The following ZNF124 variants were observed in gnomAD, a reference collection of about 807,000 sequenced individuals.
ZNF124 encodes the protein zinc finger protein 124, also known as zinc finger protein HZF-16.
Under a neutral mutation model 26.6 loss-of-function variants are expected in ZNF124, and 25 were observed. That is an observed-to-expected ratio of 0.94 (90% CI 0.68 to 1.31). The LOEUF is 1.31. Among genes scored for constraint, ZNF124 ranks in the 40% most tolerant of loss-of-function variants. ZNF124 has a pLI of 0.00. For synonymous variants in ZNF124, 129 were observed against 133.3 expected, an observed-to-expected ratio of 0.97 and a Z score of 0.22; for missense variants, 444 against 422.2, an observed-to-expected ratio of 1.05 and a Z score of -0.45.
chr1:247,132,770 G>C (rs1253334210), intron 3 of ZNF124, among the ~76,000 whole-genome samples: 4 of 152,132 alleles, frequency 2.6e-5, no homozygotes, highest in Admixed American at 2.0e-4. Flanking sequence ...TCCCTGTCCT[G>C]TTCTGTTCCG....
chr1:247,150,888 A>G (rs1672914246), downstream of ZNF124, among the ~76,000 whole-genome samples: 1 of 112,954 alleles, frequency 8.9e-6, no homozygotes, highest in African/African-American at 4.4e-5. Flanking sequence ...TGGGAAAAAT[A>G]ACAAATAAAA....
At position 247,156,185 on chromosome 1, in the gene ZNF124, G is replaced by C; in HGVS notation, c.*381C>G. 2 of 996,272 alleles carry C rather than the reference G, an allele frequency of 2.0e-6. No homozygotes were observed. The highest frequency in any genetic ancestry group is 1.2e-6 in the Non-Finnish European group (1 of 837,812). The allele number at this position is 996,272 out of a possible 1,614,324, so 61.7% of individuals were successfully genotyped here. A position where few individuals can be genotyped will look rare whatever the true frequency, so the allele number is the denominator to read the frequency against. ...TTCTTTTATTTATAAGGTCAATCTG[G>C]AGTATGTGTTACCATGTGTCTCTGA... On this transcript the variant is annotated 3_prime_UTR_variant, in exon 4 of 4. Coordinates refer to ENST00000543802, the MANE Select transcript of ZNF124 (RefSeq NM_001297568.2).
At chr1:247,166,477 T>C (rs1164377509) in intron 1 of ZNF124, among the ~76,000 whole-genome samples, 1 of 152,254 alleles carries the variant, frequency 6.6e-6, no homozygotes, top group African/African-American at 2.4e-5. Flanking sequence ...AGTCTACTGT[T>C]GATGGGCATT....
chr1:247,123,170 T>C (rs868390996), exon 4 of ZNF124: 41 of 152,028 alleles, frequency 2.7e-4, no homozygotes, highest in African/African-American at 9.7e-4. Flanking sequence ...TTCAACAGTG[T>C]ACATGAGACA....
Position 247,124,312 on chromosome 1 carries a change from TCCTG to T in ZNF124, c.219-445_219-442del, listed in dbSNP as rs147573584. Among the ~76,000 whole-genome samples, 627 of 152,028 alleles carry T rather than the reference TCCTG, an allele frequency of 4.1e-3. 7 individuals carry two copies. The highest frequency in any genetic ancestry group is 0.014 in the African/African-American group (581 of 41,456). On this transcript the variant is annotated intron_variant, in intron 3 of 3. Coordinates refer to the ZNF124 transcript ENST00000472531. ...TCCACCTCCCAGGTTCAAGCGATTCTCCTGCCTAAGTCTCCTGCGTAGCTGGGAT... is the reference window on the plus strand; with the variant it reads ...TCCACCTCCCAGGTTCAAGCGATTCTCCTAAGTCTCCTGCGTAGCTGGGAT...
At chr1:247,146,442 CCTT>C (rs1572069936) in intron 3 of ZNF124, among the ~76,000 whole-genome samples, 1 of 152,192 alleles carries the variant, frequency 6.6e-6, no homozygotes, top group African/African-American at 2.4e-5. Flanking sequence ...CCCCAGCCCT[CCTT>C]GAGTTTGGAT....
intron 3 of ZNF124, among the ~76,000 whole-genome samples, chr1:247,125,340 T>C (rs779870653): frequency 3.0e-4 from 45 of 152,074 alleles, no homozygotes; most frequent in Non-Finnish European, 5.4e-4. Flanking sequence ...TGCCAGACTG[T>C]TTTCCAGAGT....
intron 3 of ZNF124, among the ~76,000 whole-genome samples, chr1:247,132,502 G>A (rs1277158723): frequency 6.6e-6 from 1 of 152,120 alleles, no homozygotes; most frequent in Non-Finnish European, 1.5e-5. Flanking sequence ...ATGAACTAAA[G>A]GAACATGTTC....
intron 3 of ZNF124, among the ~76,000 whole-genome samples, chr1:247,137,840 A>G (rs1229043491): frequency 6.6e-6 from 1 of 152,230 alleles, no homozygotes; most frequent in Non-Finnish European, 1.5e-5. Context: ...TTATGCATCT[A>G]ACAAACACAT....
At chr1:247,170,470 G>C (rs1489398610) in intron 1 of ZNF124, among the ~76,000 whole-genome samples, 1 of 149,248 alleles carries the variant, frequency 6.7e-6, no homozygotes, top group Non-Finnish European at 1.5e-5. Context: ...CTTACATTTG[G>C]GAAATGCAGG....
At position 247,158,729 on chromosome 1, in the gene ZNF124, A is replaced by G. The variant is rs574135797; in HGVS notation, c.218+277T>C. ...ATTGCAACCTCCGCCTCCCAGGTTC[A>G]AGCAATTCTCCTGCCTCAGCCTCCC... is the stretch of plus-strand genomic sequence containing the variant. On this transcript the variant is annotated intron_variant, in intron 3 of 3. Coordinates refer to ENST00000543802, the MANE Select transcript of ZNF124 (RefSeq NM_001297568.2). Among the ~76,000 whole-genome samples the G allele has an allele frequency of 2.4e-3, 366 of 152,112 alleles. 2 individuals carry two copies. Among genetic ancestry groups the G allele is most frequent in the African/African-American group, 8.5e-3 (351 of 41,480 alleles).
chr1:247,132,440 T>C (rs1444488778), intron 3 of ZNF124, among the ~76,000 whole-genome samples: 1 of 152,098 alleles, frequency 6.6e-6, no homozygotes, highest in East Asian at 1.9e-4. Context: ...GGAGGATCAG[T>C]TGGACAAACT....
chr1:247,140,110 C>T (rs1477512261), intron 3 of ZNF124, among the ~76,000 whole-genome samples: 1 of 152,204 alleles, frequency 6.6e-6, no homozygotes, highest in Non-Finnish European at 1.5e-5. Flanking sequence ...TTCTTCCCAT[C>T]CCTTTCAGGG....
At chr1:247,147,243 T>C (rs1672808844) in intron 3 of ZNF124, among the ~76,000 whole-genome samples, 1 of 151,428 alleles carries the variant, frequency 6.6e-6, no homozygotes, top group Non-Finnish European at 1.5e-5. Context: ...TTTTTTTTTT[T>C]TGAGTCGGGG....
At chr1:247,147,777 C>A (rs571950123) in intron 3 of ZNF124, among the ~76,000 whole-genome samples, 13 of 152,182 alleles carry the variant, frequency 8.5e-5, no homozygotes, top group African/African-American at 2.6e-4. Context: ...TGGAATAATC[C>A]CCTCCGGCAC....
chr1:247,135,720 C>T (rs1214588859), intron 3 of ZNF124, among the ~76,000 whole-genome samples: 2 of 152,036 alleles, frequency 1.3e-5, no homozygotes, highest in Non-Finnish European at 2.9e-5. Flanking sequence ...GGCAGAGACA[C>T]AACAAAAAAA....
At chr1:247,148,578 C>T (rs1380435431) in intron 3 of ZNF124, among the ~76,000 whole-genome samples, 1 of 152,170 alleles carries the variant, frequency 6.6e-6, no homozygotes, top group East Asian at 1.9e-4. Context: ...ACGTCCACTC[C>T]AAGTGACAGG....
chr1:247,144,423 A>G (rs1254309913), intron 3 of ZNF124, among the ~76,000 whole-genome samples: 3 of 152,176 alleles, frequency 2.0e-5, no homozygotes, highest in Non-Finnish European at 4.4e-5. Flanking sequence ...GCCTACTACA[A>G]ACTAGGCTTG....
At chr1:247,131,785 C>A (rs1366120660) in intron 3 of ZNF124, among the ~76,000 whole-genome samples, 1 of 152,010 alleles carries the variant, frequency 6.6e-6, no homozygotes, top group Non-Finnish European at 1.5e-5. Context: ...TCTCCCTAGG[C>A]CTGAGCCCCT....
Sources: gnomAD v4.1 joint callset for allele counts (sites outside exome capture counted in the v4.1 genomes callset) on GRCh38, gnomAD v4.1.1 for gene constraint, MANE v1.5 for transcripts, NCBI Gene and HGNC (gene_info 2026-07-23, HGNC 2026-07-21) for gene names.